GULP1: variants seen among roughly 807,000 people sequenced by gnomAD.
GULP1 encodes PTB domain-containing engulfment adapter protein 1.
Under a neutral mutation model 40.9 loss-of-function variants are expected in GULP1, and 19 were observed. That is an observed-to-expected ratio of 0.46 (90% confidence interval 0.32 to 0.68). GULP1 has a LOEUF of 0.68. GULP1 is among the 30% of genes least tolerant of loss of function. GULP1 has a pLI of 0.03. For synonymous variants in GULP1, 119 were observed against 117.6 expected, an observed-to-expected ratio of 1.01 and a Z score of -0.08; for missense variants, 312 against 362.2, an observed-to-expected ratio of 0.86 and a Z score of 1.12.
At chr2:188,485,191 A>G (rs1426348878) in intron 4 of GULP1, among the ~76,000 whole-genome samples, 2 of 152,096 alleles carry the variant, frequency 1.3e-5, no homozygotes, top group African/African-American at 2.4e-5. Flanking sequence ...CAGCTTTATA[A>G]AAGATTAAAA....
At chr2:188,395,697 T>A (rs1224916605) in intron 2 of GULP1, among the ~76,000 whole-genome samples, 1 of 152,118 alleles carries the variant, frequency 6.6e-6, no homozygotes, top group Non-Finnish European at 1.5e-5. Flanking sequence ...AGAAGTAGTA[T>A]CTCTAAAGAC....
intron 4 of GULP1, among the ~76,000 whole-genome samples, chr2:188,512,690 A>G (rs761504571): frequency 1.3e-5 from 2 of 152,148 alleles, no homozygotes; most frequent in African/African-American, 2.4e-5. Context: ...TAAAACAACT[A>G]TTCAGCCTTT....
In GULP1 at chr2:188,387,465, C is replaced by T. The variant is rs1465831236; in HGVS notation, c.-45+3576C>T. ...ACCTCTAACTTTCAATAAAATATGG[C>T]AAGATAAGAAATACGTTTTGGTTTC... On this transcript the variant is annotated intron_variant, in intron 2 of 11. Transcript: ENST00000409830. 2.6e-5 allele frequency among the ~76,000 whole-genome samples: 4 copies of T among 152,046 alleles called. No homozygotes were observed. The East Asian group carries it at 7.7e-4, about 29-fold the overall frequency.
rs182205452 is a variant in GULP1 at position 188,360,968 on chromosome 2, G to A, written c.-171-22795G>A. On this transcript the variant is annotated intron_variant, in intron 1 of 11. Coordinates refer to ENST00000409830, the MANE Select transcript of GULP1 (RefSeq NM_016315.4). ...AATATAGTTTCTCTTTTATGGTGGC[G>A]TGAACCTGAAAACTTAATTATTTTC... Among the ~76,000 whole-genome samples, 7 of 152,094 alleles carry A rather than the reference G, an allele frequency of 4.6e-5. No homozygotes were observed. In the East Asian group the frequency reaches 5.8e-4, roughly 13 times the overall value.
At chr2:188,570,881 A>G (rs967932463) in intron 9 of GULP1, among the ~76,000 whole-genome samples, 5 of 152,198 alleles carry the variant, frequency 3.3e-5, no homozygotes, top group Non-Finnish European at 7.4e-5. Flanking sequence ...ATCTATGCCA[A>G]GCACAGTGGC....
At chr2:188,431,162 C>G (rs916411136) in intron 2 of GULP1, among the ~76,000 whole-genome samples, 2 of 152,090 alleles carry the variant, frequency 1.3e-5, no homozygotes, top group Admixed American at 1.3e-4. Flanking sequence ...CAGAGGGCCT[C>G]TGGCTGCTAA....
intron 1 of GULP1, among the ~76,000 whole-genome samples, chr2:188,371,975 A>C (rs554475713): frequency 4.5e-4 from 66 of 146,554 alleles, no homozygotes; most frequent in African/African-American, 1.6e-3. Flanking sequence ...AGAGAAAGTT[A>C]GATCCATTTA....
chr2:188,500,681 C>A (rs1451529126), intron 4 of GULP1, among the ~76,000 whole-genome samples: 1 of 151,920 alleles, frequency 6.6e-6, no homozygotes, highest in Non-Finnish European at 1.5e-5. Flanking sequence ...GTACAGACAT[C>A]ACCATCAAGA....
chr2:188,481,046 A>G (rs1445501417), intron 3 of GULP1, among the ~76,000 whole-genome samples: 1 of 151,996 alleles, frequency 6.6e-6, no homozygotes. Context: ...TTCTTAATCT[A>G]GATGCATTTT....
intron 6 of GULP1, among the ~76,000 whole-genome samples, chr2:188,533,902 A>G (rs1396245266): frequency 6.6e-6 from 1 of 151,992 alleles, no homozygotes; most frequent in Non-Finnish European, 1.5e-5. Context: ...TCACTAATCA[A>G]AGAAATTAAA....
At position 188,593,998 on chromosome 2, in the gene GULP1, A is replaced by G; in HGVS notation, c.902A>G (p.Asp301Gly). 2.5e-6 allele frequency: 4 copies of G among 1,586,882 alleles called. No homozygotes were observed. The highest frequency in any genetic ancestry group is 3.5e-6 in the Non-Finnish European group (4 of 1,156,068). ...EGTVFCLDPL[D>G]SRC Reference sequence around the variant, plus strand: ...ACAGTATTTTGTCTCGACCCGTTAGACAGTAGGTGCTGACATCAAGAACAA... The same window carrying G: ...ACAGTATTTTGTCTCGACCCGTTAGGCAGTAGGTGCTGACATCAAGAACAA... The change falls in exon 12 of 12, where the codon GAC becomes GGC. Residue 301 changes from aspartate (D) to glycine (G), a missense_variant. Physicochemically the swap from Asp to Gly is moderately conservative, Grantham distance 94. Transcript: ENST00000409830.
At chr2:188,521,575 G>T (rs1034468573) in intron 4 of GULP1, among the ~76,000 whole-genome samples, 1 of 152,112 alleles carries the variant, frequency 6.6e-6, no homozygotes, top group Admixed American at 6.5e-5. Context: ...GCTTGTGTAA[G>T]GGAATACCCC....
At chr2:188,337,767 C>G (rs1437005116) in intron 1 of GULP1, among the ~76,000 whole-genome samples, 4 of 151,946 alleles carry the variant, frequency 2.6e-5, no homozygotes, top group Non-Finnish European at 5.9e-5. Context: ...TCTCTGGCCA[C>G]CTTGGAATTT....
chr2:188,562,642 C>A (rs1245807011), intron 7 of GULP1, among the ~76,000 whole-genome samples: 2 of 151,416 alleles, frequency 1.3e-5, no homozygotes, highest in Non-Finnish European at 2.9e-5. Flanking sequence ...GAAAAAAAGT[C>A]AATAAAAGTA....
chr2:188,486,824 T>C (rs2061903952), intron 4 of GULP1, among the ~76,000 whole-genome samples: 1 of 151,882 alleles, frequency 6.6e-6, no homozygotes, highest in Admixed American at 6.6e-5. Flanking sequence ...GTGTACTCTG[T>C]AGTGATGTTT....
chr2:188,528,609 C>G (rs904640807), intron 5 of GULP1, among the ~76,000 whole-genome samples: 2 of 152,032 alleles, frequency 1.3e-5, no homozygotes, highest in Non-Finnish European at 2.9e-5. Context: ...CAATTCTTAG[C>G]TTCAGTTTGG....
chr2:188,557,150 T>C (rs1694978524), intron 7 of GULP1, among the ~76,000 whole-genome samples: 1 of 152,208 alleles, frequency 6.6e-6, no homozygotes, highest in African/African-American at 2.4e-5. Context: ...AACATATCTT[T>C]CTGCCTCTGG....
chr2:188,495,936 C>G (rs2062854976), intron 4 of GULP1, among the ~76,000 whole-genome samples: 1 of 151,998 alleles, frequency 6.6e-6, no homozygotes, highest in Admixed American at 6.6e-5. Flanking sequence ...GTCCCTGATT[C>G]CTTGCATATT....
At chr2:188,368,825 A>G (rs72909545) in intron 1 of GULP1, among the ~76,000 whole-genome samples, 1,707 of 148,892 alleles carry the variant, frequency 0.011, 15 homozygotes, top group Non-Finnish European at 0.02. Flanking sequence ...TTTTTCAGTG[A>G]CTTAAGACAC....
Sources: gnomAD v4.1 joint callset for allele counts (sites outside exome capture counted in the v4.1 genomes callset) on GRCh38, gnomAD v4.1.1 for gene constraint, MANE v1.5 for transcripts, NCBI Gene and HGNC (gene_info 2026-07-23, HGNC 2026-07-21) for gene names.